ZNF782: variants seen among roughly 807,000 people sequenced by gnomAD.
ZNF782 encodes the protein zinc finger protein 782.
Under a neutral mutation model 13.0 loss-of-function variants are expected in ZNF782, and 12 were observed. The ratio of observed to expected loss-of-function variants is 0.92; its 90% confidence interval spans 0.59 to 1.50. The LOEUF (loss-of-function observed/expected upper bound fraction) is 1.50. Among genes scored for constraint, ZNF782 ranks in the 40% most tolerant of loss-of-function variants. The pLI is 0.00. For missense variants in ZNF782, 770 were observed against 822.9 expected (o/e 0.94, Z 0.79); for synonymous variants, 284 against 283.0 (o/e 1.00, Z -0.04).
At chr9:96,916,085 C>T in the ZNF782 span, among the ~76,000 whole-genome samples, 1 of 151,956 alleles carries the variant, frequency 6.6e-6, no homozygotes, top group Non-Finnish European at 1.5e-5. Context: ...AAGTGAGTGA[C>T]CTGCATCATA....
the ZNF782 span, among the ~76,000 whole-genome samples, chr9:96,907,941 T>C: frequency 2.2e-3 from 337 of 151,894 alleles, 1 homozygote; most frequent in African/African-American, 7.7e-3. Flanking sequence ...GTGCCCGGCC[T>C]TGATAGTGTC....
At chr9:96,855,892 T>C (rs1178159714), upstream of ZNF782, among the ~76,000 whole-genome samples, 3 of 152,264 alleles carry the variant, frequency 2.0e-5, no homozygotes, top group African/African-American at 7.2e-5. Context: ...AAGTTTTCCC[T>C]GTTCACTGCA....
chr9:96,902,460 C>CT, the ZNF782 span, among the ~76,000 whole-genome samples: 3 of 126,286 alleles, frequency 2.4e-5, no homozygotes, highest in Non-Finnish European at 4.7e-5. Context: ...AATGACTTGT[C>CT]TAATTTACTT....
chr9:96,929,970 CTATTAT>C, the ZNF782 span, among the ~76,000 whole-genome samples: 1 of 151,954 alleles, frequency 6.6e-6, no homozygotes, highest in African/African-American at 2.4e-5. Flanking sequence ...GAAGACAGTC[CTATTAT>C]TATTATTATT....
At chr9:96,911,546 A>G in the ZNF782 span, among the ~76,000 whole-genome samples, 2 of 97,836 alleles carry the variant, frequency 2.0e-5, no homozygotes, top group Non-Finnish European at 3.8e-5. Flanking sequence ...TTTGAGAGTT[A>G]GTCTCGCTCT....
chr9:96,897,813 G>A, the ZNF782 span: 1 of 151,912 alleles, frequency 6.6e-6, no homozygotes, highest in Non-Finnish European at 1.5e-5. Context: ...GCAACACACA[G>A]TTCCTTGTCT....
chr9:96,881,744 T>C, the ZNF782 span, among the ~76,000 whole-genome samples: 2 of 152,120 alleles, frequency 1.3e-5, no homozygotes, highest in Admixed American at 1.3e-4. Context: ...TCATTTTCTG[T>C]TTCTGGACTT....
chr9:96,846,575 A>C (rs1367122758), intron 3 of ZNF782, among the ~76,000 whole-genome samples: 1 of 152,158 alleles, frequency 6.6e-6, no homozygotes, highest in Non-Finnish European at 1.5e-5. Flanking sequence ...ACTTCAAAGA[A>C]AATCAGTAAA....
At chr9:96,915,125 A>G in the ZNF782 span, among the ~76,000 whole-genome samples, 1 of 151,698 alleles carries the variant, frequency 6.6e-6, no homozygotes. Context: ...TCTTTGTTCA[A>G]CCTGATTCTA....
At chr9:96,846,737 A>G (rs1026768907) in intron 3 of ZNF782, among the ~76,000 whole-genome samples, 1 of 152,224 alleles carries the variant, frequency 6.6e-6, no homozygotes, top group Non-Finnish European at 1.5e-5. Context: ...CAGCAATACA[A>G]TAATAGTGGG....
upstream of ZNF782, among the ~76,000 whole-genome samples, chr9:96,879,962 T>A (rs1460885157): frequency 6.6e-6 from 1 of 152,188 alleles, no homozygotes; most frequent in Non-Finnish European, 1.5e-5. Context: ...CCTTTCCAAT[T>A]TGTATGCCTT....
chr9:96,873,431 G>A (rs1851852292), intron 1 of ZNF782, among the ~76,000 whole-genome samples: 2 of 152,332 alleles, frequency 1.3e-5, no homozygotes, highest in South Asian at 2.1e-4. Flanking sequence ...CAGGTGTGGT[G>A]GCTCATGCCT....
chr9:96,876,061 A>T (rs1187613812), upstream of ZNF782, among the ~76,000 whole-genome samples: 1 of 152,206 alleles, frequency 6.6e-6, no homozygotes, highest in African/African-American at 2.4e-5. Flanking sequence ...GTTCTGCCAG[A>T]GCCCCTAGAG....
At chr9:96,904,309 AC>A in the ZNF782 span, among the ~76,000 whole-genome samples, 1 of 93,736 alleles carries the variant, frequency 1.1e-5, no homozygotes, top group Non-Finnish European at 1.8e-5. Context: ...ACAGGGTCTC[AC>A]TATGTTGGCC....
At position 96,850,373 on chromosome 9, in the gene ZNF782, G is replaced by A. The variant is rs773291047; in HGVS notation, c.15+1574C>T. On this transcript the variant is annotated intron_variant, in intron 3 of 5. Transcript: ENST00000481138. This position sits in a 1 kb window ranked among gnomAD's most constrained non-coding sequence, Gnocchi z 4.3. ...TGCAGCAACTTGGATGGAGCTGGAG[G>A]CTGTTATTCTAAGTATCACAGGAGT... is the stretch of plus-strand genomic sequence containing the variant. Among the ~76,000 whole-genome samples, 1 of 152,198 alleles carries A rather than the reference G, an allele frequency of 6.6e-6. No individual in the cohort carries two copies. The highest frequency in any genetic ancestry group is 2.4e-5 in the African/African-American group (1 of 41,444).
rs1851450245 is a variant in ZNF782 at position 96,850,255 on chromosome 9, T to A, written c.15+1692A>T. ...CAATTGCAAAGATGTGGAACCAACC[T>A]AAGTGCCCATGAACTGAGTGGATAA... On this transcript the variant is annotated intron_variant, in intron 3 of 5. Transcript: ENST00000481138. The surrounding 1 kb of genome is among the most constrained non-coding windows in gnomAD (Gnocchi z 4.3). Among the ~76,000 whole-genome samples the A allele has an allele frequency of 6.6e-6, 1 of 152,158 alleles. No individual in the cohort carries two copies. Among genetic ancestry groups the A allele is most frequent in the Non-Finnish European group, 1.5e-5 (1 of 68,018 alleles).
Position 96,819,556 on chromosome 9 carries a change from T to G in ZNF782, c.467A>C (p.Gln156Pro), listed in dbSNP as rs1346593923. The stretch of plus-strand genomic sequence containing the variant: ...CTCATGAGCCTTTTCTTTTGAATAC[T>G]GACAGTGTGGGGCCATCAGGCTGAG... ...QGLSLMAPHC[Q>P]YSKEKAHERN... is the part of the protein sequence containing the mutation. Residue 156 changes from glutamine (Q) to proline (P), a missense_variant, in exon 6 of 6, where the codon CAG becomes CCG. By Grantham distance (76) the Gln-to-Pro change is moderately conservative. Coordinates refer to ENST00000481138, the MANE Select transcript of ZNF782 (RefSeq NM_001001662.3). 4 of 1,612,912 alleles carry G rather than the reference T, an allele frequency of 2.5e-6. No homozygotes were observed. Among genetic ancestry groups the G allele is most frequent in the Non-Finnish European group, 3.4e-6 (4 of 1,179,664 alleles).
chr9:96,894,495 T>C, the ZNF782 span: 1 of 152,176 alleles, frequency 6.6e-6, no homozygotes, highest in South Asian at 2.1e-4. Context: ...TTCCTTACTC[T>C]TGAAGTTTCC....
chr9:96,931,924 A>G, the ZNF782 span: 51 of 1,611,878 alleles, frequency 3.2e-5, no homozygotes, highest in African/African-American at 4.4e-4. Context: ...GCCGCGGCCC[A>G]AGTGGGGCTG....
Sources: allele counts gnomAD v4.1 joint callset (sites outside exome capture counted in the v4.1 genomes callset), GRCh38; gene constraint gnomAD v4.1.1; non-coding constraint Gnocchi (gnomAD v3.1); transcripts MANE v1.5; gene names NCBI Gene and HGNC (gene_info 2026-07-23, HGNC 2026-07-21).